The following PPM1E variants were observed in gnomAD, a reference collection of about 807,000 sequenced individuals.
PPM1E encodes the protein protein phosphatase, Mg2+/Mn2+ dependent 1E.
PPM1E carries 20 observed loss-of-function variants against 65.9 expected under a neutral mutation model. That is an observed-to-expected ratio of 0.30 (90% confidence interval 0.21 to 0.44). The LOEUF (loss-of-function observed/expected upper bound fraction) is 0.44, where lower values mean the gene tolerates loss of function less well. Among genes scored for constraint, PPM1E ranks in the 20% least tolerant of loss-of-function variants. The pLI, the probability that PPM1E is intolerant of heterozygous loss-of-function variation, is 1.00. For synonymous variants in PPM1E, 352 were observed against 374.9 expected (o/e 0.94, Z 0.70); for missense variants, 713 against 953.1 (o/e 0.75, Z 3.32).
intron 1 of PPM1E, among the ~76,000 whole-genome samples, chr17:58,889,646 A>G (rs1210748971): frequency 6.6e-6 from 1 of 152,314 alleles, no homozygotes; most frequent in Non-Finnish European, 1.5e-5. Context: ...AGTTTTTACC[A>G]TACTGCTTTT....
chr17:58,822,077 C>T (rs1315339401), intron 1 of PPM1E, among the ~76,000 whole-genome samples: 1 of 152,082 alleles, frequency 6.6e-6, no homozygotes, highest in Admixed American at 6.6e-5. Flanking sequence ...AGGAAGGAAT[C>T]TGGCAGGAAG....
chr17:58,781,165 G>A (rs2050046221), intron 1 of PPM1E, among the ~76,000 whole-genome samples: 1 of 144,484 alleles, frequency 6.9e-6, no homozygotes, highest in Non-Finnish European at 1.5e-5. Context: ...TTTTGAAACG[G>A]AGTCTTTCTC....
chr17:58,857,978 T>C (rs183599047), intron 1 of PPM1E, among the ~76,000 whole-genome samples: 1 of 152,238 alleles, frequency 6.6e-6, no homozygotes. Flanking sequence ...TTCATTCTTT[T>C]CTCAGGCATA....
chr17:58,886,306 T>C (rs536373384), intron 1 of PPM1E, among the ~76,000 whole-genome samples: 1 of 152,346 alleles, frequency 6.6e-6, no homozygotes, highest in East Asian at 1.9e-4. Flanking sequence ...TTAACTATAC[T>C]ATTTAATTAT....
chr17:58,913,790 G>A (rs1031359589), intron 1 of PPM1E, among the ~76,000 whole-genome samples: 1 of 152,086 alleles, frequency 6.6e-6, no homozygotes, highest in African/African-American at 2.4e-5. Flanking sequence ...TCAAAATAGA[G>A]AGTCTGAAAA....
At chr17:58,935,432 A>G (rs1010549922) in intron 1 of PPM1E, among the ~76,000 whole-genome samples, 1 of 152,194 alleles carries the variant, frequency 6.6e-6, no homozygotes, top group Non-Finnish European at 1.5e-5. Context: ...CTTAGAGAAT[A>G]AAGATCATGT....
intron 1 of PPM1E, among the ~76,000 whole-genome samples, chr17:58,798,703 T>C (rs947514887): frequency 3.3e-5 from 5 of 151,998 alleles, no homozygotes; most frequent in African/African-American, 9.7e-5. Context: ...TCTTCTTTTT[T>C]TTTCTTTTGA....
intron 1 of PPM1E, among the ~76,000 whole-genome samples, chr17:58,937,890 A>AAAAAAC (rs2052005997): frequency 6.8e-6 from 1 of 146,144 alleles, no homozygotes; most frequent in Non-Finnish European, 1.5e-5. Context: ...AAAAAAAAAA[A>AAAAAAC]AAAAAGAAAG....
chr17:58,866,980 A>G (rs1326444507), intron 1 of PPM1E, among the ~76,000 whole-genome samples: 1 of 151,702 alleles, frequency 6.6e-6, no homozygotes, highest in Admixed American at 6.6e-5. Flanking sequence ...AATTGGGGGG[A>G]TTTTATTTTT....
At position 58,980,086 on chromosome 17, in the gene PPM1E, G is replaced by A. The variant is rs1444105503; in HGVS notation, c.1323G>A (p.Val441=). 1.2e-6 allele frequency: 2 copies of A among 1,614,140 alleles called. No individual in the cohort carries two copies. Among genetic ancestry groups the A allele is most frequent in the South Asian group, 1.1e-5 (1 of 91,080 alleles). The part of the protein sequence containing the change: ...ILACDGFYDT[V]NPDEAVKVVS... ...CCTGTGATGGCTTCTATGACACCGTGAACCCTGATGAGGCAGTGAAAGTTG... is the reference window on the plus strand; with the variant it reads ...CCTGTGATGGCTTCTATGACACCGTAAACCCTGATGAGGCAGTGAAAGTTG... The change falls in exon 7 of 7, where the codon GTG becomes GTA. Residue 441 remains valine, a synonymous_variant. Coordinates refer to ENST00000308249, the MANE Select transcript of PPM1E (RefSeq NM_014906.5). The surrounding 1 kb of genome is among the most constrained non-coding windows in gnomAD (Gnocchi z 4.7).
chr17:58,813,870 C>T (rs1434312418), intron 1 of PPM1E, among the ~76,000 whole-genome samples: 2 of 152,088 alleles, frequency 1.3e-5, no homozygotes, highest in Non-Finnish European at 2.9e-5. Context: ...CAGATTGGAA[C>T]ACAGAGCAGC....
intron 1 of PPM1E, among the ~76,000 whole-genome samples, chr17:58,864,881 G>T (rs908783157): frequency 4.3e-4 from 62 of 143,528 alleles, no homozygotes; most frequent in African/African-American, 1.5e-3. Context: ...GGTTGCAGTG[G>T]GCCAAGACTG....
At chr17:58,895,901 C>A (rs1420964814) in intron 1 of PPM1E, among the ~76,000 whole-genome samples, 1 of 148,154 alleles carries the variant, frequency 6.7e-6, no homozygotes, top group African/African-American at 2.5e-5. Flanking sequence ...GTCAGGAGAT[C>A]GAGACCATCC....
chr17:58,782,159 A>G (rs1478132348), intron 1 of PPM1E, among the ~76,000 whole-genome samples: 24 of 152,254 alleles, frequency 1.6e-4, no homozygotes, highest in Non-Finnish European at 4.4e-5. Context: ...TGTGATAGCT[A>G]GGATGGAGAA....
At position 58,980,354 on chromosome 17, in the gene PPM1E, C is replaced by G; in HGVS notation, c.1591C>G (p.Gln531Glu). ...TGGAGAGTGCAAACGCCCTTGGCCT[C>G]AGCACCAGTGCTCAGCACCAGCCGA... Reference protein sequence around the residue: ...NHGECKRPWPQHQCSAPADLG... With the variant: ...NHGECKRPWPEHQCSAPADLG... Residue 531 changes from glutamine (Q) to glutamate (E), a missense_variant, in exon 7 of 7, where the codon CAG (glutamine) becomes GAG (glutamate). Gln to Glu is a conservative substitution (Grantham distance 29, BLOSUM62 2). Transcript: ENST00000308249. The surrounding 1 kb of genome is among the most constrained non-coding windows in gnomAD (Gnocchi z 4.7). The G allele has an allele frequency of 6.2e-7, 1 of 1,614,146 alleles. No homozygotes were observed. The highest frequency in any genetic ancestry group is 1.3e-5 in the African/African-American group (1 of 75,044).
intron 1 of PPM1E, among the ~76,000 whole-genome samples, chr17:58,851,890 G>GAGGC (rs908637998): frequency 2.0e-5 from 3 of 152,232 alleles, no homozygotes; most frequent in Non-Finnish European, 4.4e-5. Flanking sequence ...GGAGTCTACA[G>GAGGC]AGGCAGGCAG....
rs906225041 is a variant in PPM1E, at chr17:58,784,736, G to A, written c.464+28275G>A. Among the ~76,000 whole-genome samples, 11 of 151,786 alleles carry A rather than the reference G, an allele frequency of 7.2e-5. No homozygotes were observed. The East Asian group carries it at 2.2e-3, about 30-fold the overall frequency. ...GACGTAGTTTCCCCATGTTGGCCAGGATGGTCTCTATCTCCTGACCTCGTG... is the reference window on the plus strand; with the variant it reads ...GACGTAGTTTCCCCATGTTGGCCAGAATGGTCTCTATCTCCTGACCTCGTG... On this transcript the variant is annotated intron_variant, in intron 1 of 6. Transcript: ENST00000308249.
chr17:58,757,317 C>T (rs541846025), intron 1 of PPM1E, among the ~76,000 whole-genome samples: 25 of 152,204 alleles, frequency 1.6e-4, no homozygotes, highest in Non-Finnish European at 3.4e-4. Flanking sequence ...GATGGCTTAG[C>T]TACACAGATG....
chr17:58,889,460 G>T (rs181476306), intron 1 of PPM1E, among the ~76,000 whole-genome samples: 4 of 152,122 alleles, frequency 2.6e-5, no homozygotes, highest in Non-Finnish European at 5.9e-5. Context: ...ATAACTGGGC[G>T]TGGTGGCACA....
Sources: allele counts gnomAD v4.1 joint callset (sites outside exome capture counted in the v4.1 genomes callset), GRCh38; gene constraint gnomAD v4.1.1; non-coding constraint Gnocchi (gnomAD v3.1); transcripts MANE v1.5; gene names NCBI Gene and HGNC (gene_info 2026-07-23, HGNC 2026-07-21).